ECE1: variants seen among roughly 807,000 people sequenced by gnomAD.
ECE1 encodes endothelin converting enzyme 1.
A neutral mutation model predicts 98.6 loss-of-function variants in ECE1; 35 were observed. The ratio of observed to expected loss-of-function variants is 0.35; its 90% CI spans 0.27 to 0.47. The LOEUF is 0.47. Ranked by LOEUF, ECE1 falls within the 20% of genes least tolerant of loss-of-function variation. The pLI, the probability that ECE1 is intolerant of heterozygous loss-of-function variation, is 1.00. For synonymous variants in ECE1, 394 were observed against 407.1 expected, an observed-to-expected ratio of 0.97 and a Z score of 0.39; for missense variants, 814 against 1,025.3, an observed-to-expected ratio of 0.79 and a Z score of 2.81.
At chr1:21,224,839 C>T (rs1264724169) in intron 17 of ECE1, among the ~76,000 whole-genome samples, 1 of 152,250 alleles carries the variant, frequency 6.6e-6, no homozygotes, top group Non-Finnish European at 1.5e-5. Flanking sequence ...CTGTGACTTA[C>T]TCCAGAACCG....
chr1:21,335,677 C>G (rs972533535), intron 1 of ECE1, among the ~76,000 whole-genome samples: 3 of 152,138 alleles, frequency 2.0e-5, no homozygotes, highest in Non-Finnish European at 2.9e-5. Flanking sequence ...AATGAAGGGC[C>G]CACCAGCTTT....
intron 3 of ECE1, among the ~76,000 whole-genome samples, chr1:21,277,511 C>G (rs578229777): frequency 1.3e-5 from 2 of 152,194 alleles, no homozygotes; most frequent in South Asian, 4.1e-4. Context: ...TAGGCTGAGG[C>G]GACATGGCAG....
intron 17 of ECE1, among the ~76,000 whole-genome samples, chr1:21,222,841 C>CAAAAA (rs888811259): frequency 7.2e-5 from 2 of 27,794 alleles, no homozygotes; most frequent in Admixed American, 4.9e-4. Context: ...GACCCTGTCT[C>CAAAAA]AAAAAAAAAA....
intron 1 of ECE1, among the ~76,000 whole-genome samples, chr1:21,341,407 CA>C (rs1639396060): frequency 6.6e-6 from 1 of 152,182 alleles, no homozygotes; most frequent in African/African-American, 2.4e-5. Flanking sequence ...AGCAGAAGCA[CA>C]AAAAATTGTA....
Position 21,245,107 on chromosome 1 carries a change from C to T in ECE1, c.1164-4G>A, listed in dbSNP as rs376776451. On this transcript the variant is annotated splice_region_variant and splice_polypyrimidine_tract_variant and intron_variant, in intron 9 of 18. Coordinates refer to ENST00000374893, the MANE Select transcript of ECE1 (RefSeq NM_001397.3). Reference sequence around the variant, plus strand: ...GATCATGTAGTTGTTGAGCAGGCTGCGGGGAGAGGAGGCCAGAGAGGCTCA... The same window carrying T: ...GATCATGTAGTTGTTGAGCAGGCTGTGGGGAGAGGAGGCCAGAGAGGCTCA... The T allele has an allele frequency of 3.4e-5, 55 of 1,613,274 alleles. No individual in the cohort carries two copies. In the South Asian group the frequency reaches 4.1e-4, roughly 12 times the overall value.
chr1:21,252,596 G>A (rs1034743669), intron 8 of ECE1, among the ~76,000 whole-genome samples: 2 of 152,212 alleles, frequency 1.3e-5, no homozygotes, highest in Admixed American at 1.3e-4. Flanking sequence ...AGGTCCTCAG[G>A]CCCCCAGAAG....
chr1:21,257,375 CT>C, intron 7 of ECE1, 149 bp downstream of exon 7: 1 of 836,122 alleles, frequency 1.2e-6, no homozygotes, highest in Non-Finnish European at 2.0e-6. Flanking sequence ...AGGGGTGTCC[CT>C]CCCCTGCCAG....
At chr1:21,338,712 G>T (rs1046160922) in intron 1 of ECE1, among the ~76,000 whole-genome samples, 3 of 152,262 alleles carry the variant, frequency 2.0e-5, no homozygotes, top group Non-Finnish European at 4.4e-5. Flanking sequence ...ATTAGTGGCA[G>T]AGCCTGGGCT....
At chr1:21,231,408 C>T (rs1360371079) in intron 14 of ECE1, among the ~76,000 whole-genome samples, 6 of 148,612 alleles carry the variant, frequency 4.0e-5, no homozygotes, top group Non-Finnish European at 7.5e-5. Flanking sequence ...GTGGTGCAAT[C>T]TCTGTTCACT....
At position 21,332,822 on chromosome 1, in the gene ECE1, G is replaced by T. The variant is rs1167202986; in HGVS notation, c.3+12554C>A. ...GTCAGGCGAGGAGTTAGAGGGAAGG[G>T]GGCTGCGGGAACACAGGATGGGGGT... is the stretch of plus-strand genomic sequence containing the variant. On this transcript the variant is annotated intron_variant, in intron 1 of 18. Transcript: ENST00000415912. 2.1e-5 allele frequency among the ~76,000 whole-genome samples: 3 copies of T among 143,292 alleles called. No individual in the cohort carries two copies. The East Asian group carries it at 6.3e-4, about 30-fold the overall frequency. The allele number at this position is 143,292 out of a possible 152,430, so 94.0% of individuals were successfully genotyped here.
chr1:21,265,617 C>T (rs1246618109), intron 4 of ECE1, among the ~76,000 whole-genome samples: 1 of 152,140 alleles, frequency 6.6e-6, no homozygotes, highest in East Asian at 1.9e-4. Flanking sequence ...CCCTCCATAG[C>T]CCCTCGTTCA....
Position 21,345,133 on chromosome 1 carries a change from G to T in ECE1, c.3+243C>A, listed in dbSNP as rs1639472989. The T allele has an allele frequency of 6.2e-6, 2 of 320,374 alleles. No homozygotes were observed. The highest frequency in any genetic ancestry group is 1.4e-4 in the South Asian group (1 of 7,126). The allele number at this position is 320,374 out of a possible 1,614,324, so 19.8% of individuals were successfully genotyped here. On this transcript the variant is annotated intron_variant, in intron 1 of 18. Transcript: ENST00000415912. This position sits in a 1 kb window ranked among gnomAD's most constrained non-coding sequence, Gnocchi z 5.1. Reference sequence around the variant, plus strand: ...CCCCGAGCCCCCCACATCCGGCTGGGACCAGAACCAAGCTCGGCGCGGCCG... The same window carrying T: ...CCCCGAGCCCCCCACATCCGGCTGGTACCAGAACCAAGCTCGGCGCGGCCG...
At chr1:21,314,817 T>C (rs1638798695) in intron 1 of ECE1, among the ~76,000 whole-genome samples, 1 of 152,274 alleles carries the variant, frequency 6.6e-6, no homozygotes, top group South Asian at 2.1e-4. Context: ...TGTTTGTTGT[T>C]GTTTTTGTAA....
At chr1:21,242,501 C>T (rs1389933399) in intron 10 of ECE1, among the ~76,000 whole-genome samples, 1 of 152,176 alleles carries the variant, frequency 6.6e-6, no homozygotes, top group Non-Finnish European at 1.5e-5. Flanking sequence ...TTGAGTTGGG[C>T]TGAACACAAG....
intron 10 of ECE1, among the ~76,000 whole-genome samples, chr1:21,238,808 C>A (rs2098191788): frequency 6.6e-6 from 1 of 151,944 alleles, no homozygotes; most frequent in Middle Eastern, 3.2e-3. Flanking sequence ...CACCGCAGGA[C>A]TTTTTTCTTT....
chr1:21,273,346 CGTGTGT>C (rs60168069), intron 3 of ECE1, among the ~76,000 whole-genome samples: 1,739 of 133,110 alleles, frequency 0.013, 16 homozygotes, highest in African/African-American at 0.025. Flanking sequence ...TGCGTGTGTG[CGTGTGT>C]GTGTGTGTGT....
In ECE1 at chr1:21,260,167, G is replaced by A; in HGVS notation, c.615+104C>T. The A allele has an allele frequency of 6.6e-7, 1 of 1,516,710 alleles. No individual in the cohort carries two copies. The allele number at this position is 1,516,710 out of a possible 1,614,324, so 94.0% of individuals were successfully genotyped here. On this transcript the variant is annotated intron_variant, in intron 5 of 18. Coordinates refer to ENST00000374893, the MANE Select transcript of ECE1 (RefSeq NM_001397.3). The surrounding 1 kb of genome is among the most constrained non-coding windows in gnomAD (Gnocchi z 4.3). ...GTCTTTCTCTTGGTGCTACCGGCTG[G>A]ACGTATGAGGTGGGCCAGTGGTACC...
intron 1 of ECE1, chr1:21,298,986 C>T: frequency 2.3e-6 from 1 of 435,764 alleles, no homozygotes; most frequent in Middle Eastern, 6.1e-4. Flanking sequence ...TCCTGTGCTC[C>T]TGTGTGATGT....
intron 3 of ECE1, among the ~76,000 whole-genome samples, chr1:21,277,570 AACAC>A (rs28367945): frequency 3.3e-5 from 5 of 150,798 alleles, no homozygotes; most frequent in Non-Finnish European, 7.4e-5. Flanking sequence ...AGGAGGCACA[AACAC>A]ACACACACAC....
Sources: gnomAD v4.1 joint callset for allele counts (sites outside exome capture counted in the v4.1 genomes callset) on GRCh38, gnomAD v4.1.1 for gene constraint, Gnocchi (gnomAD v3.1) non-coding constraint, MANE v1.5 for transcripts, NCBI Gene and HGNC (gene_info 2026-07-23, HGNC 2026-07-21) for gene names.